SETD5: variants seen among roughly 807,000 people sequenced by gnomAD.
The protein encoded by SETD5 is histone-lysine N-methyltransferase SETD5.
A neutral mutation model predicts 153.3 loss-of-function variants in SETD5; 44 were observed. The observed-to-expected ratio is 0.29, with a 90% confidence interval of 0.23 to 0.37. SETD5 has a LOEUF of 0.37. SETD5 is among the 10% of genes least tolerant of loss of function. SETD5 has a pLI of 1.00. For synonymous variants in SETD5, 716 were observed against 645.2 expected (o/e 1.11, Z -1.66); for missense variants, 1,544 against 1,768.0 (o/e 0.87, Z 2.27).
chr3:9,411,912 T>C (rs2125531711), intron 1 of SETD5, among the ~76,000 whole-genome samples: 1 of 152,300 alleles, frequency 6.6e-6, no homozygotes, highest in Non-Finnish European at 1.5e-5. Context: ...TTCACAAGTA[T>C]ACCAGTGCTT....
chr3:9,468,788 G>A lies in SETD5; in HGVS notation c.2725-1671G>A, dbSNP rs192176743. Among the ~76,000 whole-genome samples, 603 of 151,966 alleles carry A rather than the reference G, an allele frequency of 4.0e-3. 1 individual carries two copies. The highest frequency in any genetic ancestry group is 7.0e-3 in the Non-Finnish European group (479 of 67,944). On this transcript the variant is annotated intron_variant, in intron 18 of 22. Coordinates refer to ENST00000402198, the MANE Select transcript of SETD5 (RefSeq NM_001080517.3). ...GATGGAGGAAAATGAAGGTAGGAGC[G>A]TGTGTGTTTGTGTGTGTGTGTGTTG... is the stretch of plus-strand genomic sequence containing the variant.
chr3:9,428,022 G>T, intron 2 of SETD5, among the ~76,000 whole-genome samples: 1 of 152,082 alleles, frequency 6.6e-6, no homozygotes, highest in East Asian at 1.9e-4. Flanking sequence ...TACTCTTCGT[G>T]ATTTCGGGGG....
chr3:9,443,720 A>G (rs547526453), intron 11 of SETD5, among the ~76,000 whole-genome samples: 1 of 152,356 alleles, frequency 6.6e-6, no homozygotes, highest in East Asian at 1.9e-4. Flanking sequence ...TGGAAATTAC[A>G]ATAGCATCCT....
intron 17 of SETD5, among the ~76,000 whole-genome samples, chr3:9,458,869 G>T (rs925799448): frequency 2.6e-5 from 4 of 152,180 alleles, no homozygotes; most frequent in Admixed American, 6.5e-5. Context: ...TATATATAAG[G>T]TTGGTGCAAA....
chr3:9,445,811 C>CCTG, intron 13 of SETD5, 71 bp downstream of exon 13: 1 of 1,094,396 alleles, frequency 9.1e-7, no homozygotes, highest in Non-Finnish European at 1.3e-6. Context: ...CTCTTCTGTT[C>CCTG]TCTTGACTTT....
intron 18 of SETD5, chr3:9,464,901 G>A (rs2044376493): frequency 5.2e-6 from 3 of 578,938 alleles, no homozygotes; most frequent in African/African-American, 1.9e-5. Context: ...TCCCATTCAT[G>A]TATCTTTTGC....
intron 6 of SETD5, 136 bp from the exon 7 acceptor site, chr3:9,435,592 C>T (rs541873579): frequency 1.3e-5 from 9 of 695,200 alleles, no homozygotes; most frequent in East Asian, 3.1e-5. Context: ...GAGTATTTAA[C>T]GTTGCTTTAC....
intron 17 of SETD5, among the ~76,000 whole-genome samples, chr3:9,456,917 A>G (rs2043318422): frequency 6.6e-6 from 1 of 152,168 alleles, no homozygotes; most frequent in Admixed American, 6.5e-5. Context: ...CAGAAGTTGC[A>G]GTGAGCCAAG....
At chr3:9,473,117 C>T (rs542894351) in intron 19 of SETD5, 119 bp from the exon 20 acceptor site, 10 of 1,230,548 alleles carry the variant, frequency 8.1e-6, no homozygotes, top group East Asian at 2.5e-5. Flanking sequence ...GCTTTGTTTG[C>T]GTGGCTTGGC....
Position 9,470,995 on chromosome 3 carries a change from C to T in SETD5, c.3195+66C>T, listed in dbSNP as rs142711550. On this transcript the variant is annotated intron_variant, in intron 19 of 22. Coordinates refer to ENST00000402198, the MANE Select transcript of SETD5 (RefSeq NM_001080517.3). ...TTAACCAAGTAGTTTAGTAGATATT[C>T]ATAAGTTTCTGCTATGTGTTCCGCA... is the stretch of plus-strand genomic sequence containing the variant. 4.2e-4 allele frequency: 347 copies of T among 827,984 alleles called. 3 individuals carry two copies. The African/African-American group carries it at 5.5e-3, about 13-fold the overall frequency. The allele number at this position is 827,984 out of a possible 1,614,324, so 51.3% of individuals were successfully genotyped here.
intron 16 of SETD5, 139 bp downstream of exon 16, chr3:9,448,769 G>T: frequency 1.2e-6 from 1 of 815,916 alleles, no homozygotes; most frequent in Non-Finnish European, 1.8e-6. Flanking sequence ...TAATGAGTTA[G>T]TTGTTCAGCC....
At position 9,448,503 on chromosome 3, in the gene SETD5, C is replaced by T; in HGVS notation, c.2219C>T (p.Pro740Leu). 1 of 1,613,972 alleles carries T rather than the reference C, an allele frequency of 6.2e-7. No homozygotes were observed. Among genetic ancestry groups the T allele is most frequent in the Non-Finnish European group, 8.5e-7 (1 of 1,179,886 alleles). ...TVLATTLNML[P>L]GLIHSPLICT... ...CTGGCAACGACCCTAAACATGTTAC[C>T]AGGTCTTATCCATTCCCCGTTAATT... The change falls in exon 16 of 23, where the codon CCA (proline) becomes CTA (leucine). Residue 740 changes from proline (P) to leucine (L), a missense_variant. Around this residue, in one of 9 missense-constraint regions of SETD5, gnomAD observed 782 missense variants for 787.2 expected, o/e 0.99. Coordinates refer to ENST00000402198, the MANE Select transcript of SETD5 (RefSeq NM_001080517.3).
At position 9,428,948 on chromosome 3, in the gene SETD5, G is replaced by T. The variant is rs1210687040; in HGVS notation, c.10G>T (p.Ala4Ser). ...TGCTGTGTTGGACGTCATGAGCATTGCAATCCCTCTGGGAGTCACCACATC... is the reference window on the plus strand; with the variant it reads ...TGCTGTGTTGGACGTCATGAGCATTTCAATCCCTCTGGGAGTCACCACATC... MSI[A>S]IPLGVTTSDT... The change falls in exon 3 of 23, where the codon GCA (alanine) becomes TCA (serine). Residue 4 changes from alanine (A) to serine (S), a missense_variant. This residue lies in a region of SETD5 where 251 missense variants were observed against 326.9 expected (regional missense o/e 0.77). Transcript: ENST00000402198. The T allele has an allele frequency of 6.2e-7, 1 of 1,612,722 alleles. No homozygotes were observed. Among genetic ancestry groups the T allele is most frequent in the African/African-American group, 1.3e-5 (1 of 74,884 alleles).
intron 1 of SETD5, among the ~76,000 whole-genome samples, chr3:9,422,589 T>A (rs1353992458): frequency 6.6e-6 from 1 of 152,214 alleles, no homozygotes; most frequent in Admixed American, 6.5e-5. Flanking sequence ...AAGTAAAAAA[T>A]GTTCAGTATT....
At chr3:9,429,395 C>G in intron 3 of SETD5, 1 of 174,136 alleles carries the variant, frequency 5.7e-6, no homozygotes, top group Non-Finnish European at 1.2e-5. Flanking sequence ...AGTCCTCTTC[C>G]TATGTACTTC....
chr3:9,401,417 T>C (rs921592115), intron 1 of SETD5, among the ~76,000 whole-genome samples: 44 of 152,234 alleles, frequency 2.9e-4, no homozygotes, highest in African/African-American at 1.0e-3. Context: ...TTTTAGAGGA[T>C]CATACAGGCC....
At position 9,468,693 on chromosome 3, in the gene SETD5, C is replaced by T. The variant is rs1366513507; in HGVS notation, c.2725-1766C>T. 9.3e-6 allele frequency: 8 copies of T among 860,710 alleles called. No individual in the cohort carries two copies. The East Asian group carries it at 1.9e-4, about 20-fold the overall frequency. 53.3% of individuals were successfully genotyped at this position (860,710 alleles called of 1,614,324 possible). ...GTCAGTGGGGTGATGGGCTGGAGGGCGGCCACTCAGTCACAGTAAGTTGAA... is the reference window on the plus strand; with the variant it reads ...GTCAGTGGGGTGATGGGCTGGAGGGTGGCCACTCAGTCACAGTAAGTTGAA... On this transcript the variant is annotated intron_variant, in intron 18 of 22. Coordinates refer to ENST00000402198, the MANE Select transcript of SETD5 (RefSeq NM_001080517.3).
Position 9,447,711 on chromosome 3 carries a change from C to G in SETD5, c.1808C>G (p.Pro603Arg). The change falls in exon 15 of 23, where the codon CCC (proline) becomes CGC (arginine). Residue 603 changes from proline (P) to arginine (R), a missense_variant. Pro to Arg is a moderately radical substitution (Grantham distance 103, BLOSUM62 -2). Coordinates refer to ENST00000402198, the MANE Select transcript of SETD5 (RefSeq NM_001080517.3). ...GATATTGCTGCAGAAAAACTAGTCC[C>G]CAAGCCACCTCCAGCAAAGCCTTCT... ...AGDIAAEKLV[P>R]KPPPAKPSRP... 6.2e-7 allele frequency: 1 copy of G among 1,613,900 alleles called. No individual in the cohort carries two copies. Among genetic ancestry groups the G allele is most frequent in the Non-Finnish European group, 8.5e-7 (1 of 1,179,848 alleles).
In SETD5 at chr3:9,448,345, C is replaced by G. The variant is rs1052287916; in HGVS notation, c.2104-43C>G. The G allele has an allele frequency of 5.0e-6, 8 of 1,600,680 alleles. No homozygotes were observed. In the Admixed American group the frequency reaches 1.2e-4, roughly 24 times the overall value. On this transcript the variant is annotated intron_variant, in intron 15 of 22. Coordinates refer to ENST00000402198, the MANE Select transcript of SETD5 (RefSeq NM_001080517.3). The stretch of plus-strand genomic sequence containing the variant: ...ACGTTTGTCTTTATGAACTACACTG[C>G]TACCTCTTGATTTATAAACTAATGA...
Sources: gnomAD v4.1 joint callset for allele counts (sites outside exome capture counted in the v4.1 genomes callset) on GRCh38, gnomAD v4.1.1 for gene constraint, gnomAD v4.1.1 regional missense constraint, MANE v1.5 for transcripts, NCBI Gene and HGNC (gene_info 2026-07-23, HGNC 2026-07-21) for gene names.